The following BBS9 variants were observed in gnomAD, a reference collection of about 807,000 sequenced individuals.
BBS9 encodes Bardet-Biedl syndrome 9, also known as protein PTHB1.
In BBS9, 89 loss-of-function variants were observed where a neutral mutation model predicts 117.7. That is an observed-to-expected ratio of 0.76 (90% CI 0.64 to 0.90). The LOEUF is 0.90. Ranked by LOEUF, BBS9 falls within the 40% of genes least tolerant of loss-of-function variation. The pLI is 0.00. For missense variants in BBS9, 982 were observed against 1,042.2 expected, an observed-to-expected ratio of 0.94 and a Z score of 0.80; for synonymous variants, 379 against 370.9, an observed-to-expected ratio of 1.02 and a Z score of -0.25.
intron 16 of BBS9, among the ~76,000 whole-genome samples, chr7:33,358,708 T>C (rs149575657): frequency 8.6e-4 from 130 of 152,016 alleles, no homozygotes; most frequent in Middle Eastern, 3.4e-3. Flanking sequence ...TGGGGTAGAA[T>C]TGAAGAATAA....
In BBS9 at chr7:33,548,831, C is replaced by T. The variant is rs543365956; in HGVS notation, c.2521+14655C>T. On this transcript the variant is annotated intron_variant, in intron 21 of 22. Coordinates refer to ENST00000242067, the MANE Select transcript of BBS9 (RefSeq NM_198428.3). ...GCTCATGGGTAGGAAGAATCAATAT[C>T]GTGAAAATGGCCATACTGCCCAAGG... is the stretch of plus-strand genomic sequence containing the variant. 7.0e-3 allele frequency among the ~76,000 whole-genome samples: 1,045 copies of T among 149,680 alleles called. 14 individuals are homozygous for T. The highest frequency in any genetic ancestry group is 0.032 in the Admixed American group (484 of 15,046).
chr7:33,592,062 C>T (rs1350090924), intron 21 of BBS9, among the ~76,000 whole-genome samples: 1 of 152,084 alleles, frequency 6.6e-6, no homozygotes, highest in Non-Finnish European at 1.5e-5. Flanking sequence ...CAGCTATGAA[C>T]ATTCCACCAC....
intron 5 of BBS9, among the ~76,000 whole-genome samples, chr7:33,233,503 T>C (rs1364036677): frequency 2.0e-5 from 3 of 152,184 alleles, no homozygotes; most frequent in African/African-American, 7.2e-5. Flanking sequence ...TATTAAAGGA[T>C]ATGAACTTTC....
At chr7:33,393,124 C>T (rs924623397) in intron 19 of BBS9, among the ~76,000 whole-genome samples, 2 of 152,020 alleles carry the variant, frequency 1.3e-5, no homozygotes, top group African/African-American at 4.8e-5. Flanking sequence ...CATGATTGTG[C>T]CTTTGTATTC....
At chr7:33,369,100 T>G (rs773137193) in intron 17 of BBS9, among the ~76,000 whole-genome samples, 11 of 152,206 alleles carry the variant, frequency 7.2e-5, no homozygotes, top group Non-Finnish European at 1.3e-4. Flanking sequence ...TATAGTTCAA[T>G]ATTGCTAACT....
intron 20 of BBS9, among the ~76,000 whole-genome samples, chr7:33,520,401 G>T (rs1341341414): frequency 3.3e-5 from 5 of 152,256 alleles, no homozygotes; most frequent in African/African-American, 1.2e-4. Flanking sequence ...ACTTTAGAGA[G>T]AACTCTCACA....
At chr7:33,345,275 C>G (rs79431995) in intron 12 of BBS9, among the ~76,000 whole-genome samples, 347 of 152,250 alleles carry the variant, frequency 2.3e-3, no homozygotes, top group African/African-American at 8.2e-3. Context: ...AATGTAGAAC[C>G]TTCTTAAAGC....
At chr7:33,466,371 G>A (rs6462479) in intron 19 of BBS9, among the ~76,000 whole-genome samples, 113,402 of 151,978 alleles carry the variant, frequency 0.75, 42,702 homozygotes, top group African/African-American at 0.84. Flanking sequence ...TTTAGATTCT[G>A]CATATATGTG....
intron 1 of BBS9, among the ~76,000 whole-genome samples, chr7:33,131,910 A>T (rs1016444526): frequency 6.6e-6 from 1 of 152,244 alleles, no homozygotes; most frequent in Non-Finnish European, 1.5e-5. Flanking sequence ...TGTAGAAAAA[A>T]AAGTATTCAA....
chr7:33,258,264 A>G (rs1797414039), intron 6 of BBS9, among the ~76,000 whole-genome samples: 1 of 152,212 alleles, frequency 6.6e-6, no homozygotes, highest in Admixed American at 6.5e-5. Context: ...GCTTTTCAAC[A>G]TTATTTTTGG....
intron 14 of BBS9, 24 bp downstream of exon 14, chr7:33,351,347 A>G (rs561227158): frequency 6.7e-7 from 1 of 1,494,622 alleles, no homozygotes; most frequent in African/African-American, 1.4e-5. Flanking sequence ...CTTAATCATT[A>G]CTTTAAGTTG....
chr7:33,534,069 C>T lies in BBS9; in HGVS notation c.2414C>T (p.Thr805Ile). Residue 805 changes from threonine (T) to isoleucine (I), a missense_variant, in exon 21 of 23, where the codon ACA becomes ATA. Coordinates refer to ENST00000242067, the MANE Select transcript of BBS9 (RefSeq NM_198428.3). The stretch of plus-strand genomic sequence containing the variant: ...AGCCAGCTGAACATACCCAAAGACA[C>T]AAGCCAACTGAAGAAACATATCACC... The part of the protein sequence containing the change: ...LNSQLNIPKD[T>I]SQLKKHITLL... The T allele has an allele frequency of 6.2e-7, 1 of 1,614,208 alleles. No homozygotes were observed. Among genetic ancestry groups the T allele is most frequent in the Non-Finnish European group, 8.5e-7 (1 of 1,180,038 alleles).
intron 5 of BBS9, among the ~76,000 whole-genome samples, chr7:33,222,732 T>C (rs928704725): frequency 1.3e-5 from 2 of 151,800 alleles, no homozygotes; most frequent in African/African-American, 4.8e-5. Flanking sequence ...TGGATCACTT[T>C]AGGCCAGGAG....
intron 21 of BBS9, among the ~76,000 whole-genome samples, chr7:33,597,508 A>G (rs930044565): frequency 6.6e-6 from 1 of 152,176 alleles, no homozygotes; most frequent in African/African-American, 2.4e-5. Context: ...GGACACTCTC[A>G]TCCAATACCC....
chr7:33,174,571 A>C (rs1192178526), intron 4 of BBS9, among the ~76,000 whole-genome samples: 1 of 152,210 alleles, frequency 6.6e-6, no homozygotes, highest in Non-Finnish European at 1.5e-5. Flanking sequence ...CCATTTGAAC[A>C]TGGTTTGATC....
Position 33,573,006 on chromosome 7 carries a change from C to CCCT in BBS9, c.2522-31856_2522-31854dup, listed in dbSNP as rs746515136. 2.8e-4 allele frequency among the ~76,000 whole-genome samples: 42 copies of CCCT among 152,006 alleles called. No individual in the cohort carries two copies. In the South Asian group the frequency reaches 2.9e-3, roughly 11 times the overall value. On this transcript the variant is annotated intron_variant, in intron 21 of 22. Coordinates refer to ENST00000242067, the MANE Select transcript of BBS9 (RefSeq NM_198428.3). The stretch of plus-strand genomic sequence containing the variant: ...CTCCTGTGTCCTCCTTCCCTCTCAC[C>CCCT]CCTCCCTGGCTCCTCTTTCTGTTCT...
At chr7:33,400,683 A>G (rs1305991339) in intron 19 of BBS9, among the ~76,000 whole-genome samples, 1 of 152,180 alleles carries the variant, frequency 6.6e-6, no homozygotes, top group Non-Finnish European at 1.5e-5. Flanking sequence ...CATATCTATG[A>G]ACAGCTGAGC....
intron 15 of BBS9, chr7:33,357,584 A>C: frequency 2.1e-6 from 1 of 477,608 alleles, no homozygotes; most frequent in Non-Finnish European, 3.8e-6. Context: ...TATAGTATCC[A>C]AATGTGATGA....
chr7:33,175,420 T>C (rs1797208531), intron 4 of BBS9, among the ~76,000 whole-genome samples: 1 of 152,218 alleles, frequency 6.6e-6, no homozygotes, highest in South Asian at 2.1e-4. Flanking sequence ...GTTTTTCCTC[T>C]TTTAACTATT....
Sources: allele counts gnomAD v4.1 joint callset (sites outside exome capture counted in the v4.1 genomes callset), GRCh38; gene constraint gnomAD v4.1.1; transcripts MANE v1.5; gene names NCBI Gene and HGNC (gene_info 2026-07-23, HGNC 2026-07-21).